VTI1A: variants seen among roughly 807,000 people sequenced by gnomAD.
VTI1A encodes the protein vesicle transport through interaction with t-SNAREs homolog 1A.
A neutral mutation model predicts 34.9 loss-of-function variants in VTI1A; 22 were observed. The ratio of observed to expected loss-of-function variants is 0.63; its 90% CI spans 0.45 to 0.90. The LOEUF is 0.90. Among genes scored for constraint, VTI1A ranks in the 40% least tolerant of loss-of-function variants. VTI1A has a pLI of 0.00. For missense variants in VTI1A, 268 were observed against 275.6 expected (o/e 0.97, Z 0.20); for synonymous variants, 87 against 97.3 (o/e 0.89, Z 0.62).
intron 5 of VTI1A, among the ~76,000 whole-genome samples, chr10:112,664,562 T>A (rs993122243): frequency 1.3e-5 from 2 of 152,176 alleles, no homozygotes; most frequent in Admixed American, 6.5e-5. Context: ...CTTGCTAGAT[T>A]TGAAGTTACC....
At chr10:112,453,785 C>A (rs1243881378) in intron 1 of VTI1A, among the ~76,000 whole-genome samples, 1 of 152,024 alleles carries the variant, frequency 6.6e-6, no homozygotes, top group African/African-American at 2.4e-5. Flanking sequence ...AATCCTGTTT[C>A]CTTTAATTAA....
chr10:112,687,863 C>T (rs1441130811), intron 7 of VTI1A, among the ~76,000 whole-genome samples: 2 of 151,364 alleles, frequency 1.3e-5, no homozygotes, highest in African/African-American at 4.9e-5. Context: ...CTTGGCCTTG[C>T]AGATCTGTGA....
At chr10:112,634,230 A>G (rs1590001484) in intron 5 of VTI1A, 1 of 154,616 alleles carries the variant, frequency 6.5e-6, no homozygotes, top group East Asian at 1.9e-4. Context: ...TTCAAGGCTA[A>G]GAAACTAGAC....
At chr10:112,735,778 G>A (rs2133966452) in intron 7 of VTI1A, among the ~76,000 whole-genome samples, 1 of 152,054 alleles carries the variant, frequency 6.6e-6, no homozygotes, top group South Asian at 2.1e-4. Context: ...CAACTACTCA[G>A]GAACCTGCAA....
chr10:112,618,011 C>T (rs112565618), intron 5 of VTI1A, among the ~76,000 whole-genome samples: 3,329 of 151,956 alleles, frequency 0.022, 134 homozygotes, highest in African/African-American at 0.076. Flanking sequence ...AAAATTAGCC[C>T]GGTGTGGTGG....
intron 7 of VTI1A, among the ~76,000 whole-genome samples, chr10:112,755,839 G>C (rs1365872517): frequency 1.3e-5 from 2 of 152,160 alleles, no homozygotes; most frequent in Non-Finnish European, 2.9e-5. Flanking sequence ...AAGACAGGTT[G>C]GCCTAGGAGT....
intron 5 of VTI1A, among the ~76,000 whole-genome samples, chr10:112,590,002 T>G (rs1589944005): frequency 6.6e-6 from 1 of 152,202 alleles, no homozygotes. Flanking sequence ...GGGCCAAACC[T>G]TAATGTTAGG....
intron 5 of VTI1A, among the ~76,000 whole-genome samples, chr10:112,633,230 T>C (rs138255906): frequency 3.6e-4 from 55 of 152,242 alleles, no homozygotes; most frequent in African/African-American, 1.3e-3. Context: ...CTGGAACACA[T>C]AGTGGGTCAT....
At chr10:112,634,508 CACACAT>C (rs1179167678) in intron 5 of VTI1A, among the ~76,000 whole-genome samples, 198 of 85,980 alleles carry the variant, frequency 2.3e-3, no homozygotes, top group African/African-American at 8.4e-3. Context: ...CAGACACACA[CACACAT>C]ACACACACAC....
At chr10:112,775,717 A>G (rs1329303725) in intron 7 of VTI1A, among the ~76,000 whole-genome samples, 1 of 152,258 alleles carries the variant, frequency 6.6e-6, no homozygotes, top group Non-Finnish European at 1.5e-5. Context: ...CACTGGCCAG[A>G]ACTAGTGCTC....
chr10:112,756,262 TCA>T (rs1425680387), intron 7 of VTI1A, among the ~76,000 whole-genome samples: 1 of 152,202 alleles, frequency 6.6e-6, no homozygotes, highest in Non-Finnish European at 1.5e-5. Flanking sequence ...ATTATGCTTA[TCA>T]ATCTTTTTCC....
intron 4 of VTI1A, among the ~76,000 whole-genome samples, chr10:112,534,022 T>C (rs1198616119): frequency 6.6e-6 from 1 of 152,140 alleles, no homozygotes; most frequent in Non-Finnish European, 1.5e-5. Context: ...GGATGTATTA[T>C]CCTTTTGGGG....
rs1342965700 is a variant in VTI1A, at chr10:112,816,120, G to C, written c.*737G>C. The stretch of plus-strand genomic sequence containing the variant: ...ATACTCCCCAGAATCTGCTGGCAAA[G>C]TGAGCCCTGGTACAGGATTTAATTG... On this transcript the variant is annotated 3_prime_UTR_variant, in exon 8 of 8. Coordinates refer to ENST00000393077, the MANE Select transcript of VTI1A (RefSeq NM_145206.4). The C allele has an allele frequency of 2.7e-5, 6 of 219,352 alleles. No individual in the cohort carries two copies. In the Admixed American group the frequency reaches 2.9e-4, roughly 11 times the overall value. The allele number at this position is 219,352 out of a possible 1,614,324, so 13.6% of individuals were successfully genotyped here.
chr10:112,845,234 G>A, the VTI1A span, among the ~76,000 whole-genome samples: 6,612 of 152,236 alleles, frequency 0.043, 222 homozygotes, highest in African/African-American at 0.092. Context: ...GCAGAAACCC[G>A]CACCCAACGG....
At chr10:112,523,785 A>G (rs117819153) in intron 3 of VTI1A, among the ~76,000 whole-genome samples, 4 of 152,286 alleles carry the variant, frequency 2.6e-5, no homozygotes, top group East Asian at 1.9e-4. Flanking sequence ...TAGCTTATGT[A>G]TAGAAGTCAT....
intron 7 of VTI1A, among the ~76,000 whole-genome samples, chr10:112,791,572 C>T (rs1488533974): frequency 6.6e-6 from 1 of 151,980 alleles, no homozygotes; most frequent in Non-Finnish European, 1.5e-5. Context: ...CTGCACCTTT[C>T]TTGCTAAAGG....
intron 5 of VTI1A, among the ~76,000 whole-genome samples, chr10:112,544,429 C>T (rs770662020): frequency 7.2e-5 from 11 of 152,046 alleles, no homozygotes; most frequent in South Asian, 2.1e-4. Context: ...AGGGTTTCAC[C>T]ATGTTAAGTT....
intron 7 of VTI1A, among the ~76,000 whole-genome samples, chr10:112,794,320 G>C (rs1186267790): frequency 1.3e-5 from 2 of 152,252 alleles, no homozygotes; most frequent in South Asian, 2.1e-4. Flanking sequence ...ACTGTGGGAG[G>C]CTAGGTGGGA....
chr10:112,580,281 A>G (rs939032988), intron 5 of VTI1A, among the ~76,000 whole-genome samples: 3 of 152,204 alleles, frequency 2.0e-5, no homozygotes, highest in African/African-American at 7.2e-5. Context: ...TGAATAATGT[A>G]TAAATATAGA....
Sources: allele counts gnomAD v4.1 joint callset (sites outside exome capture counted in the v4.1 genomes callset), GRCh38; gene constraint gnomAD v4.1.1; transcripts MANE v1.5; gene names NCBI Gene and HGNC (gene_info 2026-07-23, HGNC 2026-07-21).